Variants in ANXA1 observed in about 807,000 individuals in gnomAD.
The protein encoded by ANXA1 is annexin A1, also known as annexin I (lipocortin I).
A neutral mutation model predicts 47.9 loss-of-function variants in ANXA1; 39 were observed. That is an observed-to-expected ratio of 0.81 (90% CI 0.63 to 1.06). The LOEUF (loss-of-function observed/expected upper bound fraction) is 1.06. Ranked by LOEUF, ANXA1 falls within the 50% of genes least tolerant of loss-of-function variation. The pLI, the probability that ANXA1 is intolerant of heterozygous loss-of-function variation, is 0.00. For synonymous variants in ANXA1, 146 were observed against 142.5 expected, an observed-to-expected ratio of 1.02 and a Z score of -0.17; for missense variants, 446 against 422.7, an observed-to-expected ratio of 1.06 and a Z score of -0.48.
chr9:73,160,401 T>C, intron 5 of ANXA1, 25 bp downstream of exon 5: 9 of 1,496,220 alleles, frequency 6.0e-6, no homozygotes, highest in Non-Finnish European at 7.2e-6. Flanking sequence ...TTGAGCAAAC[T>C]CCTTTCCTCA....
At chr9:73,160,444 T>C in intron 5 of ANXA1, 68 bp downstream of exon 5, 2 of 1,137,792 alleles carry the variant, frequency 1.8e-6, no homozygotes, top group South Asian at 1.7e-5. Flanking sequence ...CTTATGCTTA[T>C]GTTATTTTCA....
At chr9:73,167,738 C>A in intron 11 of ANXA1, 183 bp downstream of exon 11, 1 of 560,622 alleles carries the variant, frequency 1.8e-6, no homozygotes, top group South Asian at 2.7e-5. Flanking sequence ...AGATTCGGTG[C>A]TTTTTTTTAC....
intron 3 of ANXA1, 48 bp from the exon 4 acceptor site, chr9:73,159,281 G>A (rs1824098914): frequency 7.1e-7 from 1 of 1,402,542 alleles, no homozygotes; most frequent in Non-Finnish European, 1.0e-6. Flanking sequence ...TATGTCAATT[G>A]ATGATGAAGA....
intron 7 of ANXA1, 109 bp from the exon 8 acceptor site, chr9:73,163,367 A>G: frequency 1.8e-6 from 2 of 1,099,852 alleles, no homozygotes; most frequent in Non-Finnish European, 2.6e-6. Flanking sequence ...AATGAGTAAT[A>G]GAATACCTTT....
intron 11 of ANXA1, chr9:73,167,851 G>T (rs993200211): frequency 1.1e-5 from 3 of 281,916 alleles, no homozygotes; most frequent in South Asian, 2.2e-4. Flanking sequence ...CTTTTTTAAC[G>T]TGTAATTTTA....
At chr9:73,161,574 C>G (rs1346231740) in intron 6 of ANXA1, among the ~76,000 whole-genome samples, 1 of 152,064 alleles carries the variant, frequency 6.6e-6, no homozygotes, top group African/African-American at 2.4e-5. Flanking sequence ...TTTTGGCTTT[C>G]CCAATGCAAT....
At chr9:73,169,912 T>G (rs943281875) in intron 12 of ANXA1, 139 bp from the exon 13 acceptor site, 1 of 501,952 alleles carries the variant, frequency 2.0e-6, no homozygotes, top group Admixed American at 3.6e-5. Context: ...TTATCTGTTG[T>G]ATATATTGTT....
At chr9:73,165,546 C>CA (rs1824214596) in intron 9 of ANXA1, 1 of 156,702 alleles carries the variant, frequency 6.4e-6, no homozygotes, top group African/African-American at 2.7e-5. Flanking sequence ...AAAAAAAAAA[C>CA]AAAAAACCCT....
chr9:73,161,299 TCTC>T (rs1050225364), intron 6 of ANXA1, among the ~76,000 whole-genome samples: 3 of 152,166 alleles, frequency 2.0e-5, no homozygotes, highest in Non-Finnish European at 2.9e-5. Context: ...AACAAAAAAA[TCTC>T]CTAACAAAAT....
rs767743802 is a variant in ANXA1 at position 73,162,784 on chromosome 9, C to T, written c.478C>T (p.Leu160=). The T allele has an allele frequency of 6.2e-7, 1 of 1,610,858 alleles. No individual in the cohort carries two copies. Among genetic ancestry groups the T allele is most frequent in the African/African-American group, 1.3e-5 (1 of 74,866 alleles). ...RDINRVYREE[L]KRDLAKDITS... ...AATCTATTTTTCTTTTTTCTCAGAA[C>T]TGAAGAGAGATCTGGCCAAAGACAT... Residue 160 remains leucine (L), a splice_region_variant and synonymous_variant, in exon 7 of 13, where the codon CTG becomes TTG. Transcript: ENST00000257497.
In ANXA1 at chr9:73,163,544, C is replaced by T. The variant is rs768771963; in HGVS notation, c.612+12C>T. 1 of 1,612,142 alleles carries T rather than the reference C, an allele frequency of 6.2e-7. No individual in the cohort carries two copies. The highest frequency in any genetic ancestry group is 8.5e-7 in the Non-Finnish European group (1 of 1,178,760). On this transcript the variant is annotated intron_variant, in intron 8 of 12. Coordinates refer to ENST00000257497, the MANE Select transcript of ANXA1 (RefSeq NM_000700.3). ...ATTCAGATGCCAGGGTAAGGAAGTG[C>T]TTACAAAATACTGCTGCAGTTCATC...
intron 6 of ANXA1, among the ~76,000 whole-genome samples, chr9:73,161,627 G>T (rs1824144696): frequency 6.6e-6 from 1 of 151,902 alleles, no homozygotes; most frequent in Admixed American, 6.6e-5. Context: ...CTCATACCAA[G>T]CATGGAGAAT....
chr9:73,167,303 A>G (rs1824248225), intron 10 of ANXA1, among the ~76,000 whole-genome samples, 194 bp from the exon 11 acceptor site: 1 of 152,172 alleles, frequency 6.6e-6, no homozygotes, highest in Non-Finnish European at 1.5e-5. Context: ...GGAAAAGAAT[A>G]TTCAAAACCA....
chr9:73,154,229 A>G (rs953205931), intron 1 of ANXA1: 2 of 1,122,796 alleles, frequency 1.8e-6, no homozygotes, highest in Non-Finnish European at 2.4e-6. Flanking sequence ...TGAAATACAT[A>G]TTCGAGGAAA....
rs1355643789 is a variant in ANXA1, at chr9:73,158,740, C to A, written c.112C>A (p.Pro38Thr). Reference protein sequence around the residue: ...SKGGPGSAVSPYPTFNPSSDV... With the variant: ...SKGGPGSAVSTYPTFNPSSDV... ...AGGTGGTCCCGGATCAGCGGTGAGC[C>A]CCTATCCTACCTTCAATCCATCCTC... is the stretch of plus-strand genomic sequence containing the variant. The change falls in exon 3 of 13, where the codon CCC becomes ACC. Residue 38 changes from proline to threonine, a missense_variant. Transcript: ENST00000257497. 1 of 1,613,842 alleles carries A rather than the reference C, an allele frequency of 6.2e-7. No individual in the cohort carries two copies.
chr9:73,168,855 T>C (rs1824275798), intron 11 of ANXA1, 177 bp from the exon 12 acceptor site: 3 of 538,758 alleles, frequency 5.6e-6, no homozygotes, highest in Non-Finnish European at 9.3e-6. Flanking sequence ...GATTATTTAT[T>C]TTCATTTCAT....
chr9:73,163,575 A>G (rs937741178), intron 8 of ANXA1, 43 bp downstream of exon 8: 6 of 1,599,728 alleles, frequency 3.8e-6, no homozygotes, highest in Non-Finnish European at 5.1e-6. Context: ...TCATCTTCCT[A>G]CCTTAAGTGG....
At chr9:73,160,980 A>G (rs1824133773) in intron 6 of ANXA1, 87 bp downstream of exon 6, 7 of 874,960 alleles carry the variant, frequency 8.0e-6, no homozygotes, top group Admixed American at 4.6e-5. Flanking sequence ...TATGGTAATT[A>G]TGGCAGCTTT....
chr9:73,166,297 A>G, intron 10 of ANXA1, 105 bp downstream of exon 10: 1 of 800,438 alleles, frequency 1.2e-6, no homozygotes, highest in Non-Finnish European at 1.9e-6. Flanking sequence ...AAAAGAAAAC[A>G]AAAAACAATC....
Sources: gnomAD v4.1 joint callset for allele counts (sites outside exome capture counted in the v4.1 genomes callset) on GRCh38, gnomAD v4.1.1 for gene constraint, MANE v1.5 for transcripts, NCBI Gene and HGNC (gene_info 2026-07-23, HGNC 2026-07-21) for gene names.